TSLP: variants seen among roughly 807,000 people sequenced by gnomAD.
The protein encoded by TSLP is thymic stromal lymphopoietin.
Under a neutral mutation model 12.4 loss-of-function variants are expected in TSLP, and 12 were observed. The ratio of observed to expected loss-of-function variants is 0.97; its 90% CI spans 0.62 to 1.57. The LOEUF (loss-of-function observed/expected upper bound fraction) is 1.57, where lower values mean the gene tolerates loss of function less well. TSLP is among the 40% of genes most tolerant of loss of function. TSLP has a pLI of 0.00. For synonymous variants in TSLP, 97 were observed against 69.5 expected (o/e 1.40, Z -1.97); for missense variants, 222 against 189.6 (o/e 1.17, Z -1.00).
chr5:111,075,999 T>C lies in TSLP; in HGVS notation c.405T>C (p.Asn135=), dbSNP rs1430171228. Residue 135 remains asparagine, a synonymous_variant, in exon 4 of 4, where the codon AAT becomes AAC. Coordinates refer to ENST00000344895, the MANE Select transcript of TSLP (RefSeq NM_033035.5). ...GGAGAAAAAGGAAAGTCACAACCAA[T>C]AAATGTCTGGAACAAGTGTCACAAT... is the stretch of plus-strand genomic sequence containing the variant. ...KKRRKRKVTT[N]KCLEQVSQLQ... 3.7e-6 allele frequency: 6 copies of C among 1,614,102 alleles called. No homozygotes were observed. Among genetic ancestry groups the C allele is most frequent in the Admixed American group, 3.3e-5 (2 of 59,992 alleles).
At chr5:111,075,809 T>C (rs1332840824) in intron 3 of TSLP, 137 bp from the exon 4 acceptor site, 3 of 888,500 alleles carry the variant, frequency 3.4e-6, no homozygotes, top group East Asian at 2.6e-5. Context: ...AAAAGGCACA[T>C]GCTAGCACAT....
At chr5:111,075,134 T>G (rs1265615248) in intron 3 of TSLP, among the ~76,000 whole-genome samples, 2 of 152,134 alleles carry the variant, frequency 1.3e-5, no homozygotes, top group Admixed American at 1.3e-4. Flanking sequence ...GGACAGCATG[T>G]GAGAAAGGGA....
chr5:111,073,377 TTC>T, intron 2 of TSLP, 132 bp from the exon 3 acceptor site: 1 of 1,539,874 alleles, frequency 6.5e-7, no homozygotes, highest in Non-Finnish European at 8.7e-7. Flanking sequence ...CCCTGACCTC[TTC>T]TCTCTGACTC....
intron 2 of TSLP, 123 bp downstream of exon 2, chr5:111,073,055 G>A (rs1056280689): frequency 1.0e-4 from 125 of 1,191,650 alleles, no homozygotes; most frequent in Non-Finnish European, 1.5e-4. Flanking sequence ...CGCCGCCGGG[G>A]GAAAGGGGAC....
At chr5:111,073,182 T>C (rs1752389759) in intron 2 of TSLP, 1 of 959,384 alleles carries the variant, frequency 1.0e-6, no homozygotes, top group Admixed American at 3.1e-5. Flanking sequence ...CGAGGGAACG[T>C]TGTTAGGGGC....
In TSLP at chr5:111,071,966, G is replaced by A; in HGVS notation, c.76G>A (p.Val26Met). 1.9e-6 allele frequency: 3 copies of A among 1,614,214 alleles called. No individual in the cohort carries two copies. Among genetic ancestry groups the A allele is most frequent in the Non-Finnish European group, 2.5e-6 (3 of 1,180,028 alleles). Residue 26 changes from valine (V) to methionine (M), a missense_variant, in exon 1 of 4, where the codon GTG (valine) becomes ATG (methionine). Val to Met is a conservative substitution (Grantham distance 21). Transcript: ENST00000344895. ...KIFILQLVGL[V>M]LTYDFTNCDF... ...CTTCATCTTACAACTTGTAGGGCTG[G>A]TGTTAACTTACGACTTCACTAACTG...
rs747370033 is a variant in TSLP, at chr5:111,072,054, T to C, written c.164T>C (p.Met55Thr). 3.1e-6 allele frequency: 5 copies of C among 1,610,304 alleles called. No homozygotes were observed. The African/African-American group carries it at 4.0e-5, about 13-fold the overall frequency. Residue 55 changes from methionine (M) to threonine (T), a missense_variant, in exon 1 of 4, where the codon ATG (methionine) becomes ACG (threonine). Coordinates refer to ENST00000344895, the MANE Select transcript of TSLP (RefSeq NM_033035.5). ...ATTTCTAAAGACCTGATTACATATA[T>C]GAGTGGGGTAAGTGAAGAAGCTTTT... ...STISKDLITY[M>T]SGTKSTEFNN...
At chr5:111,070,226 G>A (rs561077863), upstream of TSLP, 10 of 152,550 alleles carry the variant, frequency 6.6e-5, no homozygotes, top group African/African-American at 2.4e-4. Flanking sequence ...GTTCAACTCT[G>A]GCTCCAGTTT....
Position 111,072,195 on chromosome 5 carries a change from C to T in TSLP, c.171+134C>T, listed in dbSNP as rs1213823090. 6.6e-6 allele frequency: 5 copies of T among 752,386 alleles called. No homozygotes were observed. In the African/African-American group the frequency reaches 8.8e-5, roughly 13 times the overall value. 46.6% of individuals were successfully genotyped at this position (752,386 alleles called of 1,614,324 possible). On this transcript the variant is annotated intron_variant, in intron 1 of 3. Coordinates refer to ENST00000344895, the MANE Select transcript of TSLP (RefSeq NM_033035.5). ...ATGGCCCCACATTTTGTCAAGGATTCTTACAAGTGATATTCAAATATCTAA... is the reference window on the plus strand; with the variant it reads ...ATGGCCCCACATTTTGTCAAGGATTTTTACAAGTGATATTCAAATATCTAA...
chr5:111,071,947 C>G lies in TSLP; in HGVS notation c.57C>G (p.Ile19Met). 1 of 1,614,214 alleles carries G rather than the reference C, an allele frequency of 6.2e-7. No individual in the cohort carries two copies. The highest frequency in any genetic ancestry group is 2.2e-5 in the East Asian group (1 of 44,884). The change falls in exon 1 of 4, where the codon ATC (isoleucine) becomes ATG (methionine). Residue 19 changes from isoleucine to methionine, a missense_variant. Transcript: ENST00000344895. ...CAGTTTCTTTCAGGAAAATCTTCATCTTACAACTTGTAGGGCTGGTGTTAA... is the reference window on the plus strand; with the variant it reads ...CAGTTTCTTTCAGGAAAATCTTCATGTTACAACTTGTAGGGCTGGTGTTAA... ...VLSVSFRKIF[I>M]LQLVGLVLTY...
At chr5:111,075,293 G>T (rs996639648) in intron 3 of TSLP, among the ~76,000 whole-genome samples, 1 of 152,116 alleles carries the variant, frequency 6.6e-6, no homozygotes, top group Admixed American at 6.5e-5. Flanking sequence ...GAGGCCCAGT[G>T]TACTACTCAA....
At chr5:111,075,783 G>A (rs895062528) in intron 3 of TSLP, among the ~76,000 whole-genome samples, 163 bp from the exon 4 acceptor site, 2 of 152,188 alleles carry the variant, frequency 1.3e-5, no homozygotes, top group African/African-American at 2.4e-5. Flanking sequence ...ACAGAAACAG[G>A]AAGGCATTCC....
intron 3 of TSLP, 111 bp downstream of exon 3, chr5:111,073,756 A>G: frequency 2.4e-6 from 3 of 1,247,328 alleles, no homozygotes; most frequent in Non-Finnish European, 3.3e-6. Context: ...TATCTTTCGA[A>G]GAGCAAACGA....
chr5:111,076,187 T>C lies in TSLP; in HGVS notation c.*113T>C. The C allele has an allele frequency of 2.4e-6, 3 of 1,272,292 alleles. No individual in the cohort carries two copies. The highest frequency in any genetic ancestry group is 2.3e-5 in the East Asian group (1 of 42,554). The allele number at this position is 1,272,292 out of a possible 1,614,324, so 78.8% of individuals were successfully genotyped here. A position where few individuals can be genotyped will look rare whatever the true frequency, so the allele number is the denominator to read the frequency against. ...AAGACCACAAATAGTTATCTTTTAA[T>C]TACAGAAGAGTTTCTTAACTTACTT... On this transcript the variant is annotated 3_prime_UTR_variant, in exon 4 of 4. Coordinates refer to ENST00000344895, the MANE Select transcript of TSLP (RefSeq NM_033035.5).
intron 3 of TSLP, among the ~76,000 whole-genome samples, chr5:111,074,549 G>A (rs1275781123): frequency 6.6e-6 from 1 of 151,748 alleles, no homozygotes; most frequent in Non-Finnish European, 1.5e-5. Context: ...AGAGACAAGT[G>A]CAGATATGTT....
rs771426130 is a variant in TSLP at position 111,072,058 on chromosome 5, T to C, written c.168T>C (p.Ser56=). 1 of 1,606,548 alleles carries C rather than the reference T, an allele frequency of 6.2e-7. No homozygotes were observed. The highest frequency in any genetic ancestry group is 8.5e-7 in the Non-Finnish European group (1 of 1,174,702). The part of the protein sequence containing the change: ...TISKDLITYM[S]GTKSTEFNNT... ...CTAAAGACCTGATTACATATATGAG[T>C]GGGGTAAGTGAAGAAGCTTTTTTAA... The change falls in exon 1 of 4, where the codon AGT becomes AGC. Residue 56 remains serine (S), a synonymous_variant. Coordinates refer to ENST00000344895, the MANE Select transcript of TSLP (RefSeq NM_033035.5).
At chr5:111,070,073 T>C (rs902544947), upstream of TSLP, 5 of 152,188 alleles carry the variant, frequency 3.3e-5, no homozygotes, top group African/African-American at 1.2e-4. Context: ...AAGTTGGTGA[T>C]GGGGGAAGAG....
At chr5:111,071,360 C>T (rs1752333409), upstream of TSLP, 1 of 1,334,808 alleles carries the variant, frequency 7.5e-7, no homozygotes, top group African/African-American at 1.5e-5. Flanking sequence ...TATGCAAGGA[C>T]TCCAAATCCT....
chr5:111,075,188 A>G (rs977805037), intron 3 of TSLP, among the ~76,000 whole-genome samples: 2 of 152,226 alleles, frequency 1.3e-5, no homozygotes, highest in Admixed American at 6.5e-5. Context: ...GCCCAAATGG[A>G]GAGTCTAAGA....
Sources: allele counts gnomAD v4.1 joint callset (sites outside exome capture counted in the v4.1 genomes callset), GRCh38; gene constraint gnomAD v4.1.1; transcripts MANE v1.5; gene names NCBI Gene and HGNC (gene_info 2026-07-23, HGNC 2026-07-21).